FBXW10B: variants seen among roughly 807,000 people sequenced by gnomAD.
FBXW10B encodes F-box and WD repeat domain containing protein 10B.
the FBXW10B span, among the ~76,000 whole-genome samples, chr17:15,613,308 T>C: frequency 1.3e-5 from 2 of 148,706 alleles, no homozygotes; most frequent in Non-Finnish European, 2.9e-5. Flanking sequence ...TCTTGCTGCA[T>C]AAGCTGCAAT....
At chr17:15,615,238 G>A in the FBXW10B span, among the ~76,000 whole-genome samples, 2 of 149,838 alleles carry the variant, frequency 1.3e-5, no homozygotes, top group Admixed American at 6.7e-5. Context: ...CCTCAAATCT[G>A]CCATCCCCAG....
At chr17:15,584,440 G>C in the FBXW10B span, among the ~76,000 whole-genome samples, 2 of 152,074 alleles carry the variant, frequency 1.3e-5, no homozygotes, top group African/African-American at 4.8e-5. Context: ...ATGTTTCTCC[G>C]AATAACTCAT....
At chr17:15,566,062 A>G in the FBXW10B span, 17 of 1,607,234 alleles carry the variant, frequency 1.1e-5, no homozygotes, top group Admixed American at 1.0e-4. Flanking sequence ...TTTCACATCT[A>G]TAGGAGGATT....
the FBXW10B span, chr17:15,589,026 G>T: frequency 6.2e-7 from 1 of 1,610,392 alleles, no homozygotes; most frequent in Admixed American, 1.7e-5. Flanking sequence ...TCGGAGCTGT[G>T]GTTGGGGCCA....
chr17:15,618,095 C>T, the FBXW10B span, among the ~76,000 whole-genome samples: 2 of 152,042 alleles, frequency 1.3e-5, no homozygotes, highest in Non-Finnish European at 2.9e-5. Flanking sequence ...TTTGGGAGGC[C>T]GAGGCAGGCG....
At chr17:15,618,716 G>A in the FBXW10B span, among the ~76,000 whole-genome samples, 1 of 152,160 alleles carries the variant, frequency 6.6e-6, no homozygotes, top group Non-Finnish European at 1.5e-5. Flanking sequence ...GCAGGGACCA[G>A]CCATTTCTGG....
chr17:15,569,565 T>A, the FBXW10B span, among the ~76,000 whole-genome samples: 1 of 144,222 alleles, frequency 6.9e-6, no homozygotes, highest in Non-Finnish European at 1.5e-5. Context: ...GAACTCGTGA[T>A]CCTCCCACCT....
chr17:15,619,621 T>C, the FBXW10B span: 1 of 1,512,006 alleles, frequency 6.6e-7, no homozygotes, highest in East Asian at 2.3e-5. Flanking sequence ...GTGCCTTTTC[T>C]ATTACAAACG....
chr17:15,619,589 G>T, the FBXW10B span: 5 of 1,520,504 alleles, frequency 3.3e-6, no homozygotes, highest in Non-Finnish European at 4.4e-6. Context: ...GGAACGGGGG[G>T]AAATGAATAA....
At chr17:15,584,286 G>T in the FBXW10B span, among the ~76,000 whole-genome samples, 1 of 152,132 alleles carries the variant, frequency 6.6e-6, no homozygotes, top group South Asian at 2.1e-4. Context: ...TAATGATGTT[G>T]ATGCAAAAAA....
chr17:15,604,561 G>A, the FBXW10B span, among the ~76,000 whole-genome samples: 2 of 152,210 alleles, frequency 1.3e-5, no homozygotes, highest in South Asian at 4.2e-4. Context: ...TTGAGATGGA[G>A]TCTTGCTGTG....
chr17:15,598,222 T>C, the FBXW10B span, among the ~76,000 whole-genome samples: 1 of 152,148 alleles, frequency 6.6e-6, no homozygotes, highest in Non-Finnish European at 1.5e-5. Context: ...TCTGCTTCCA[T>C]TAGGAGACAA....
At chr17:15,616,632 G>A in the FBXW10B span, among the ~76,000 whole-genome samples, 26 of 151,796 alleles carry the variant, frequency 1.7e-4, no homozygotes, top group Middle Eastern at 3.4e-3. Flanking sequence ...GTGAAACCCC[G>A]TCTCTATTAG....
chr17:15,612,963 T>A, the FBXW10B span: 5 of 1,050,226 alleles, frequency 4.8e-6, no homozygotes, highest in Non-Finnish European at 6.7e-6. Flanking sequence ...CAGGCCCACT[T>A]CTGGCCAGTT....
At chr17:15,582,707 C>T in the FBXW10B span, among the ~76,000 whole-genome samples, 1 of 151,790 alleles carries the variant, frequency 6.6e-6, no homozygotes, top group Non-Finnish European at 1.5e-5. Flanking sequence ...ACAAAATAGT[C>T]CAGAAAAAGA....
At chr17:15,613,920 C>A in the FBXW10B span, 1 of 1,601,720 alleles carries the variant, frequency 6.2e-7, no homozygotes, top group Non-Finnish European at 8.5e-7. Flanking sequence ...CTGATGTCAT[C>A]CAGGTCAACC....
At chr17:15,592,726 G>A in the FBXW10B span, among the ~76,000 whole-genome samples, 1 of 151,710 alleles carries the variant, frequency 6.6e-6, no homozygotes, top group Non-Finnish European at 1.5e-5. Flanking sequence ...GAGCAAGCAG[G>A]GGCTGCACAT....
chr17:15,612,725 A>G, the FBXW10B span: 1 of 1,613,922 alleles, frequency 6.2e-7, no homozygotes, highest in Non-Finnish European at 8.5e-7. Flanking sequence ...TCCACTTCGG[A>G]TGTTTCACAC....
chr17:15,595,549 G>A, the FBXW10B span, among the ~76,000 whole-genome samples: 25,402 of 151,688 alleles, frequency 0.17, 2,277 homozygotes, highest in Admixed American at 0.23. Context: ...TGAGAAGGAC[G>A]AAGGTAAGGT....
Sources: gnomAD v4.1 joint callset for allele counts (sites outside exome capture counted in the v4.1 genomes callset) on GRCh38, gnomAD v4.1.1 for gene constraint, MANE v1.5 for transcripts, NCBI Gene and HGNC (gene_info 2026-07-23, HGNC 2026-07-21) for gene names.